The following CTNNA3 variants were observed in gnomAD, a reference collection of about 807,000 sequenced individuals.
CTNNA3 encodes catenin alpha 3.
In CTNNA3, 76 loss-of-function variants were observed where a neutral mutation model predicts 95.7. The ratio of observed to expected loss-of-function variants is 0.79; its 90% CI spans 0.66 to 0.96. The LOEUF (loss-of-function observed/expected upper bound fraction) is 0.96. CTNNA3 is among the 40% of genes least tolerant of loss of function. The pLI is 0.00. For missense variants in CTNNA3, 1,191 were observed against 1,089.8 expected (o/e 1.09, Z -1.31); for synonymous variants, 431 against 374.4 (o/e 1.15, Z -1.74).
In CTNNA3 at chr10:67,224,500, C is replaced by A. The variant is rs1007983240; in HGVS notation, c.580-4630G>T. On this transcript the variant is annotated intron_variant, in intron 5 of 17. Coordinates refer to ENST00000433211, the MANE Select transcript of CTNNA3 (RefSeq NM_013266.4). ...CCACAGACCCTTTGAAGGAAGCGGA[C>A]TGCTCCTGCAAAATCTGGGAGACAC... Among the ~76,000 whole-genome samples the A allele has an allele frequency of 5.3e-5, 8 of 152,194 alleles. No homozygotes were observed. In the East Asian group the frequency reaches 1.5e-3, roughly 29 times the overall value.
intron 6 of CTNNA3, among the ~76,000 whole-genome samples, chr10:67,190,436 G>A (rs1863068146): frequency 6.6e-6 from 1 of 151,908 alleles, no homozygotes; most frequent in Admixed American, 6.6e-5. Context: ...TATTATTTTG[G>A]GGGGAGGATG....
chr10:67,566,043 G>GTATGTATATATATATATATATATA lies in CTNNA3; in HGVS notation c.293-26375_293-26374insTATATATATATATATATATACATA. Among the ~76,000 whole-genome samples the GTATGTATATATATATATATATATA allele has an allele frequency of 7.4e-5, 2 of 26,966 alleles. 1 individual carries two copies. The highest frequency in any genetic ancestry group is 4.3e-3 in the South Asian group (2 of 466). 17.7% of individuals were successfully genotyped at this position (26,966 alleles called of 152,430 possible). A position where few individuals can be genotyped will look rare whatever the true frequency, so the allele number is the denominator to read the frequency against. ...CACACACACACACATATGTGTGTGT[G>GTATGTATATATATATATATATATA]TATATATATATATATATATATATAT... On this transcript the variant is annotated intron_variant, in intron 3 of 17. Transcript: ENST00000433211.
At chr10:67,227,084 C>CTT (rs113895568) in intron 5 of CTNNA3, among the ~76,000 whole-genome samples, 8 of 144,480 alleles carry the variant, frequency 5.5e-5, no homozygotes, top group Admixed American at 6.9e-5. Flanking sequence ...GCAAAGGTAG[C>CTT]TTTTTTTTTC....
chr10:66,055,607 T>C (rs1046744915), intron 15 of CTNNA3, among the ~76,000 whole-genome samples: 3 of 152,168 alleles, frequency 2.0e-5, no homozygotes, highest in Non-Finnish European at 4.4e-5. Context: ...CAGTAACTTT[T>C]GGGATAGTCT....
At chr10:67,164,561 T>A (rs954928905) in intron 7 of CTNNA3, among the ~76,000 whole-genome samples, 1 of 152,022 alleles carries the variant, frequency 6.6e-6, no homozygotes, top group Admixed American at 6.6e-5. Context: ...ACAAAAAGCA[T>A]GACACATAAA....
intron 5 of CTNNA3, among the ~76,000 whole-genome samples, chr10:67,280,173 G>A (rs1462504076): frequency 6.7e-6 from 1 of 150,062 alleles, no homozygotes; most frequent in South Asian, 2.2e-4. Context: ...AGCACAGAGT[G>A]GAACCCTCTC....
At chr10:67,441,223 G>A (rs1296958392) in intron 5 of CTNNA3, among the ~76,000 whole-genome samples, 1 of 150,588 alleles carries the variant, frequency 6.6e-6, no homozygotes, top group Non-Finnish European at 1.5e-5. Flanking sequence ...GAATCAGTGA[G>A]CTTGAAAACA....
At position 66,044,860 on chromosome 10, in the gene CTNNA3, A is replaced by G. The variant is rs139150789; in HGVS notation, c.2159+24448T>C. 5.3e-5 allele frequency among the ~76,000 whole-genome samples: 8 copies of G among 152,332 alleles called. No homozygotes were observed. The East Asian group carries it at 1.5e-3, about 29-fold the overall frequency. On this transcript the variant is annotated intron_variant, in intron 15 of 17. Transcript: ENST00000433211. ...TACATTTTATATGCATTATTATATA[A>G]TCATCACAGCAAACCTATCATGGAT...
intron 6 of CTNNA3, among the ~76,000 whole-genome samples, chr10:67,217,593 A>G (rs1262074343): frequency 6.6e-6 from 1 of 152,190 alleles, no homozygotes. Flanking sequence ...CATAACACGC[A>G]CACTTTCTCC....
chr10:66,224,547 T>C (rs2089161396), intron 13 of CTNNA3, among the ~76,000 whole-genome samples: 1 of 152,160 alleles, frequency 6.6e-6, no homozygotes, highest in Admixed American at 6.6e-5. Context: ...CAATTTTTCC[T>C]CCTACAAGAA....
intron 13 of CTNNA3, among the ~76,000 whole-genome samples, chr10:66,158,976 T>C (rs1564712323): frequency 6.6e-6 from 1 of 152,088 alleles, no homozygotes; most frequent in Non-Finnish European, 1.5e-5. Context: ...TGTTGTTGTA[T>C]AGAAGAGCTA....
chr10:66,889,707 A>G (rs552880598), intron 7 of CTNNA3, among the ~76,000 whole-genome samples: 52 of 152,130 alleles, frequency 3.4e-4, no homozygotes, highest in Middle Eastern at 6.8e-3. Context: ...AACGAGAGGG[A>G]GAAATCAAAA....
At chr10:66,692,531 A>C (rs4746632) in intron 9 of CTNNA3, among the ~76,000 whole-genome samples, 26,973 of 151,992 alleles carry the variant, frequency 0.18, 3,021 homozygotes, top group East Asian at 0.33. Flanking sequence ...AAGTTGGAAA[A>C]CACTCTGCAG....
intron 12 of CTNNA3, among the ~76,000 whole-genome samples, chr10:66,354,999 C>A (rs1254734689): frequency 6.6e-6 from 1 of 152,066 alleles, no homozygotes; most frequent in African/African-American, 2.4e-5. Context: ...ACATCTGCAA[C>A]TAATATTATT....
chr10:66,007,792 TCC>T (rs2078925860), intron 15 of CTNNA3, among the ~76,000 whole-genome samples: 1 of 53,996 alleles, frequency 1.9e-5, no homozygotes, highest in African/African-American at 7.0e-5. Context: ...CCTCCCTTCC[TCC>T]CTTCCTTCCT....
Position 67,202,793 on chromosome 10 carries a change from T to A in CTNNA3, c.843+16814A>T, listed in dbSNP as rs201892123. Among the ~76,000 whole-genome samples, 13 of 152,118 alleles carry A rather than the reference T, an allele frequency of 8.5e-5. No individual in the cohort carries two copies. In the East Asian group the frequency reaches 2.5e-3, roughly 29 times the overall value. ...GTAATATCACTTTACATAGTAAATGTAACCTTCCAAAACAAATTTTTATTA... is the reference window on the plus strand; with the variant it reads ...GTAATATCACTTTACATAGTAAATGAAACCTTCCAAAACAAATTTTTATTA... On this transcript the variant is annotated intron_variant, in intron 6 of 17. Coordinates refer to ENST00000433211, the MANE Select transcript of CTNNA3 (RefSeq NM_013266.4).
intron 2 of CTNNA3, among the ~76,000 whole-genome samples, chr10:67,640,316 C>T (rs1359860942): frequency 1.3e-5 from 2 of 152,094 alleles, no homozygotes; most frequent in African/African-American, 4.8e-5. Flanking sequence ...AGGATCTCTT[C>T]AAGGAGAACT....
At chr10:67,244,855 TC>T (rs1479143375) in intron 5 of CTNNA3, among the ~76,000 whole-genome samples, 2 of 152,128 alleles carry the variant, frequency 1.3e-5, no homozygotes, top group Non-Finnish European at 2.9e-5. Flanking sequence ...ATAGTGCCCC[TC>T]AGCCCACTAT....
intron 1 of CTNNA3, among the ~76,000 whole-genome samples, chr10:67,684,987 C>T (rs746366026): frequency 4.6e-5 from 7 of 152,140 alleles, no homozygotes; most frequent in African/African-American, 7.2e-5. Context: ...AACACTCTTC[C>T]GCTAAGAAGG....
Sources: allele counts gnomAD v4.1 joint callset (sites outside exome capture counted in the v4.1 genomes callset), GRCh38; gene constraint gnomAD v4.1.1; transcripts MANE v1.5; gene names NCBI Gene and HGNC (gene_info 2026-07-23, HGNC 2026-07-21).